Variants in GABRP observed in about 807,000 individuals in gnomAD.
The protein encoded by GABRP is gamma-aminobutyric acid receptor subunit pi.
Under a neutral mutation model 47.8 loss-of-function variants are expected in GABRP, and 52 were observed. The observed-to-expected ratio is 1.09, with a 90% CI of 0.87 to 1.37. The LOEUF (loss-of-function observed/expected upper bound fraction) is 1.37, where lower values mean the gene tolerates loss of function less well. GABRP is among the 40% of genes most tolerant of loss of function. GABRP has a pLI of 0.00. For missense variants in GABRP, 525 were observed against 542.8 expected (o/e 0.97, Z 0.33); for synonymous variants, 221 against 205.8 (o/e 1.07, Z -0.63).
chr5:170,812,193 C>T lies in GABRP; in HGVS notation c.1258C>T (p.Leu420=), dbSNP rs1429561767. 17 of 1,613,732 alleles carry T rather than the reference C, an allele frequency of 1.1e-5. No homozygotes were observed. The highest frequency in any genetic ancestry group is 6.7e-5 in the African/African-American group (5 of 74,908). The change falls in exon 10 of 10, where the codon CTA becomes TTA. Residue 420 remains leucine (L), a synonymous_variant. Transcript: ENST00000265294. ...CAGTAATGTTGATCACTATTCCAAA[C>T]TACTGTTTCCTTTGATTTTTATGCT... ...NPSNVDHYSK[L]LFPLIFMLAN...
At chr5:170,784,984 G>A (rs529274989) in intron 1 of GABRP, among the ~76,000 whole-genome samples, 1 of 152,316 alleles carries the variant, frequency 6.6e-6, no homozygotes, top group Admixed American at 6.5e-5. Context: ...CAGCTTTGGG[G>A]ACAACCCTTA....
chr5:170,798,091 G>T (rs1765481879), intron 6 of GABRP, among the ~76,000 whole-genome samples: 1 of 152,210 alleles, frequency 6.6e-6, no homozygotes, highest in Admixed American at 6.5e-5. Flanking sequence ...GCCCAAGCTG[G>T]ACTGTGGTGG....
intron 1 of GABRP, among the ~76,000 whole-genome samples, chr5:170,787,855 G>A (rs1485200452): frequency 6.6e-6 from 1 of 152,152 alleles, no homozygotes; most frequent in Non-Finnish European, 1.5e-5. Flanking sequence ...GCCTAGACCT[G>A]GGGATAAATA....
At position 170,812,067 on chromosome 5, in the gene GABRP, G is replaced by A. The variant is rs754006817; in HGVS notation, c.1132G>A (p.Val378Ile). 3.7e-5 allele frequency: 59 copies of A among 1,614,130 alleles called. No homozygotes were observed. The South Asian group carries it at 3.8e-4, about 11-fold the overall frequency. Residue 378 changes from valine to isoleucine, a missense_variant, in exon 10 of 10, where the codon GTT becomes ATT. Coordinates refer to ENST00000265294, the MANE Select transcript of GABRP (RefSeq NM_014211.3). ...CAGCATTGAAATTTCCAGCGACAACGTTGACTACAGTGACTTGACAATGAA... is the reference window on the plus strand; with the variant it reads ...CAGCATTGAAATTTCCAGCGACAACATTGACTACAGTGACTTGACAATGAA... ...FASIEISSDN[V>I]DYSDLTMKTS...
chr5:170,806,154 A>T (rs1222849971), intron 7 of GABRP, among the ~76,000 whole-genome samples: 1 of 152,238 alleles, frequency 6.6e-6, no homozygotes, highest in African/African-American at 2.4e-5. Flanking sequence ...TCACTGGAAC[A>T]CTAGTTCTCT....
intron 9 of GABRP, 137 bp from the exon 10 acceptor site, chr5:170,811,819 C>A: frequency 3.7e-6 from 3 of 801,768 alleles, no homozygotes; most frequent in Non-Finnish European, 5.9e-6. Context: ...TGGCCAATTT[C>A]TGAAGCACTC....
At chr5:170,800,390 T>C (rs1765558542) in intron 6 of GABRP, among the ~76,000 whole-genome samples, 1 of 152,162 alleles carries the variant, frequency 6.6e-6, no homozygotes, top group Non-Finnish European at 1.5e-5. Context: ...ATAAAAACCC[T>C]AGAAGAAAAC....
intron 6 of GABRP, among the ~76,000 whole-genome samples, chr5:170,801,038 T>C (rs1413246620): frequency 6.6e-6 from 1 of 152,234 alleles, no homozygotes; most frequent in Non-Finnish European, 1.5e-5. Context: ...TCTGTCACTA[T>C]ACTAGACACC....
chr5:170,801,865 G>C (rs1176857641), intron 6 of GABRP, among the ~76,000 whole-genome samples: 1 of 143,676 alleles, frequency 7.0e-6, no homozygotes, highest in Non-Finnish European at 1.5e-5. Context: ...TGGGGGGGGG[G>C]TCAGAGTTTT....
intron 9 of GABRP, among the ~76,000 whole-genome samples, 187 bp from the exon 10 acceptor site, chr5:170,811,769 T>C (rs1465604541): frequency 6.6e-6 from 1 of 152,200 alleles, no homozygotes; most frequent in Non-Finnish European, 1.5e-5. Flanking sequence ...TACAAATAGG[T>C]GTCTCCAAAC....
In GABRP at chr5:170,809,682, T is replaced by A. The variant is rs1765831242; in HGVS notation, c.947T>A (p.Phe316Tyr). The A allele has an allele frequency of 1.9e-6, 3 of 1,613,840 alleles. No individual in the cohort carries two copies. The East Asian group carries it at 6.7e-5, about 36-fold the overall frequency. ...GTGTACCTGGGGATCTGCTTTAGCT[T>A]TGTGTTTGGGGCCTTGCTAGAATAT... is the stretch of plus-strand genomic sequence containing the variant. Reference protein sequence around the residue: ...IDVYLGICFSFVFGALLEYAV... With the variant: ...IDVYLGICFSYVFGALLEYAV... The change falls in exon 9 of 10, where the codon TTT (phenylalanine) becomes TAT (tyrosine). Residue 316 changes from phenylalanine to tyrosine, a missense_variant. Physicochemically the swap from Phe to Tyr is conservative, Grantham distance 22 (BLOSUM62 3). Transcript: ENST00000265294.
Position 170,812,284 on chromosome 5 carries a change from A to G in GABRP, c.*26A>G, listed in dbSNP as rs748673052. The G allele has an allele frequency of 2.0e-5, 32 of 1,571,872 alleles. No individual in the cohort carries two copies. The East Asian group carries it at 4.3e-4, about 21-fold the overall frequency. ...GTCAATGTTAAATTTCTTGCATGCCATAGGTCTTCAACAGGACAAGATAAT... is the reference window on the plus strand; with the variant it reads ...GTCAATGTTAAATTTCTTGCATGCCGTAGGTCTTCAACAGGACAAGATAAT... On this transcript the variant is annotated 3_prime_UTR_variant, in exon 10 of 10. Coordinates refer to ENST00000265294, the MANE Select transcript of GABRP (RefSeq NM_014211.3).
intron 6 of GABRP, among the ~76,000 whole-genome samples, chr5:170,798,320 C>T (rs773004877): frequency 1.4e-4 from 21 of 152,206 alleles, no homozygotes; most frequent in Admixed American, 1.2e-3. Context: ...AGATTACAGG[C>T]GTGAGCCACC....
chr5:170,785,081 T>A (rs937895351), intron 1 of GABRP, among the ~76,000 whole-genome samples: 1 of 152,212 alleles, frequency 6.6e-6, no homozygotes, highest in Non-Finnish European at 1.5e-5. Context: ...GAGCCTCCAT[T>A]GAGGCTGGCC....
chr5:170,813,935 GT>G lies in GABRP; in HGVS notation c.*1680del, dbSNP rs1425343694. The stretch of plus-strand genomic sequence containing the variant: ...TCATATTTGTGATTTTTTAAAAAAA[GT>G]TTAAAAGGAAATATCTGTTCTGAAA... On this transcript the variant is annotated 3_prime_UTR_variant, in exon 10 of 10. Transcript: ENST00000265294. The G allele has an allele frequency of 6.6e-6, 1 of 152,056 alleles. No homozygotes were observed. Among genetic ancestry groups the G allele is most frequent in the African/African-American group, 2.4e-5 (1 of 41,406 alleles). The allele number at this position is 152,056 out of a possible 1,614,324, so 9.4% of individuals were successfully genotyped here. A position where few individuals can be genotyped will look rare whatever the true frequency, so the allele number is the denominator to read the frequency against.
In GABRP at chr5:170,812,030, G is replaced by A; in HGVS notation, c.1095G>A (p.Lys365=). 1.9e-6 allele frequency: 3 copies of A among 1,614,176 alleles called. No individual in the cohort carries two copies. Among genetic ancestry groups the A allele is most frequent in the Non-Finnish European group, 2.5e-6 (3 of 1,180,030 alleles). The change falls in exon 10 of 10, where the codon AAG becomes AAA. Residue 365 remains lysine (K), a synonymous_variant. Coordinates refer to ENST00000265294, the MANE Select transcript of GABRP (RefSeq NM_014211.3). ...INSSISSFKR[K]ISFASIEISS... is the part of the protein sequence containing the mutation. The stretch of plus-strand genomic sequence containing the variant: ...GCTCCATCTCCAGCTTTAAACGGAA[G>A]ATCAGCTTTGCCAGCATTGAAATTT...
At chr5:170,786,633 C>A (rs1664015170) in intron 1 of GABRP, among the ~76,000 whole-genome samples, 1 of 152,104 alleles carries the variant, frequency 6.6e-6, no homozygotes, top group Admixed American at 6.6e-5. Flanking sequence ...CTTTTCTGCC[C>A]CTCATGTACT....
At chr5:170,786,496 C>A (rs1765134713) in intron 1 of GABRP, among the ~76,000 whole-genome samples, 1 of 152,132 alleles carries the variant, frequency 6.6e-6, no homozygotes, top group South Asian at 2.1e-4. Context: ...CCATGAGACA[C>A]CTTGCAGCCA....
intron 7 of GABRP, among the ~76,000 whole-genome samples, chr5:170,807,924 C>T (rs1488507071): frequency 2.0e-5 from 3 of 152,196 alleles, no homozygotes; most frequent in Admixed American, 6.5e-5. Flanking sequence ...CATGCATCCA[C>T]ACCAGTGCTG....
Sources: allele counts gnomAD v4.1 joint callset (sites outside exome capture counted in the v4.1 genomes callset), GRCh38; gene constraint gnomAD v4.1.1; transcripts MANE v1.5; gene names NCBI Gene and HGNC (gene_info 2026-07-23, HGNC 2026-07-21).